The following POC1B variants were observed in gnomAD, a reference collection of about 807,000 sequenced individuals.
POC1B encodes POC1 centriolar protein B.
In POC1B, 44 loss-of-function variants were observed where a neutral mutation model predicts 60.6. The observed-to-expected ratio is 0.73, with a 90% CI of 0.57 to 0.93. The LOEUF (loss-of-function observed/expected upper bound fraction) is 0.93, where lower values mean the gene tolerates loss of function less well. Ranked by LOEUF, POC1B falls within the 40% of genes least tolerant of loss-of-function variation. The pLI is 0.00. For synonymous variants in POC1B, 180 were observed against 198.9 expected (o/e 0.90, Z 0.80); for missense variants, 555 against 572.3 (o/e 0.97, Z 0.31).
chr12:89,458,160 T>A (rs900401484), intron 10 of POC1B, among the ~76,000 whole-genome samples: 1 of 152,214 alleles, frequency 6.6e-6, no homozygotes, highest in African/African-American at 2.4e-5. Context: ...GCAATTTTAG[T>A]CTACTGACTA....
intron 4 of POC1B, among the ~76,000 whole-genome samples, chr12:89,484,522 G>A (rs1482352086): frequency 6.6e-6 from 1 of 152,230 alleles, no homozygotes; most frequent in Non-Finnish European, 1.5e-5. Flanking sequence ...GGACTGGCAT[G>A]TGAGGATAGT....
intron 7 of POC1B, 25 bp from the exon 8 acceptor site, chr12:89,467,710 A>C: frequency 2.6e-6 from 4 of 1,568,020 alleles, no homozygotes; most frequent in Non-Finnish European, 3.5e-6. Flanking sequence ...GAAATAAAGA[A>C]AAAAAGTACT....
intron 2 of POC1B, chr12:89,523,436 G>C: frequency 1.2e-6 from 2 of 1,614,002 alleles, no homozygotes; most frequent in Non-Finnish European, 1.7e-6. Context: ...AAATTGGGGC[G>C]AGCATATGGT....
chr12:89,461,669 T>C (rs1882489392), intron 9 of POC1B: 1 of 152,210 alleles, frequency 6.6e-6, no homozygotes, highest in Non-Finnish European at 1.5e-5. Context: ...AAAATCATTT[T>C]ATAATTATCC....
chr12:89,501,393 TGAA>T, intron 2 of POC1B: 2 of 1,006,232 alleles, frequency 2.0e-6, no homozygotes, highest in Non-Finnish European at 3.1e-6. Context: ...CTAAACCAGC[TGAA>T]GAACAGCTCG....
At chr12:89,439,954 C>T (rs1176875544) in intron 10 of POC1B, among the ~76,000 whole-genome samples, 1 of 152,140 alleles carries the variant, frequency 6.6e-6, no homozygotes, top group Non-Finnish European at 1.5e-5. Flanking sequence ...TCCAGGAAAA[C>T]TCTCTCTGAT....
chr12:89,464,409 TAAC>T, intron 9 of POC1B, among the ~76,000 whole-genome samples: 1 of 151,702 alleles, frequency 6.6e-6, no homozygotes, highest in Non-Finnish European at 1.5e-5. Flanking sequence ...ATTTGGTACT[TAAC>T]AATTATTTAT....
intron 10 of POC1B, among the ~76,000 whole-genome samples, chr12:89,441,686 A>G (rs1881528823): frequency 6.6e-6 from 1 of 152,214 alleles, no homozygotes; most frequent in Non-Finnish European, 1.5e-5. Context: ...GAAAAGCTGA[A>G]AATTCTAAAA....
intron 10 of POC1B, among the ~76,000 whole-genome samples, chr12:89,457,935 A>G (rs1882322891): frequency 6.6e-6 from 1 of 152,166 alleles, no homozygotes; most frequent in African/African-American, 2.4e-5. Context: ...TATGATCTAC[A>G]ATAGATATGT....
At position 89,525,885 on chromosome 12, in the gene POC1B, G is replaced by A. The variant is rs865863474; in HGVS notation, c.11C>T (p.Ala4Val). The change falls in exon 1 of 12, where the codon GCC (alanine) becomes GTC (valine). Residue 4 changes from alanine to valine, a missense_variant. Coordinates refer to ENST00000313546, the MANE Select transcript of POC1B (RefSeq NM_172240.3). The part of the protein sequence containing the change: MAS[A>V]TEDPVLERYF... ...CCACCTCCAACCCGTCCTTACCGTG[G>A]CTGAGGCCATCGGGGGAGTGGTCGG... The A allele has an allele frequency of 2.0e-6, 3 of 1,464,598 alleles. No homozygotes were observed. Among genetic ancestry groups the A allele is most frequent in the African/African-American group, 1.4e-5 (1 of 70,620 alleles). 90.7% of individuals were successfully genotyped at this position (1,464,598 alleles called of 1,614,324 possible).
intron 2 of POC1B, chr12:89,520,023 T>G (rs1005217503): frequency 3.3e-5 from 5 of 152,220 alleles, no homozygotes; most frequent in Non-Finnish European, 7.4e-5. Context: ...GGAATCGGTT[T>G]TTTTAGATGT....
intron 2 of POC1B, chr12:89,523,251 AG>A: frequency 6.2e-7 from 1 of 1,614,062 alleles, no homozygotes; most frequent in Non-Finnish European, 8.5e-7. Context: ...CATGTAAATT[AG>A]GAAAAACGTT....
chr12:89,487,515 C>A (rs988015498), intron 4 of POC1B, among the ~76,000 whole-genome samples: 2 of 152,160 alleles, frequency 1.3e-5, no homozygotes, highest in African/African-American at 2.4e-5. Flanking sequence ...TACTTCTTAT[C>A]CTCAGTCCAG....
the POC1B span, among the ~76,000 whole-genome samples, chr12:89,413,297 C>T: frequency 4.6e-5 from 7 of 152,160 alleles, no homozygotes; most frequent in Admixed American, 3.3e-4. Flanking sequence ...ACTCGAACTC[C>T]TGGGCTCAAG....
chr12:89,421,382 CAAAA>C, intron 11 of POC1B, 125 bp from the exon 12 acceptor site: 1 of 702,612 alleles, frequency 1.4e-6, no homozygotes, highest in Non-Finnish European at 2.3e-6. Flanking sequence ...GAAGTTGGCT[CAAAA>C]ATGAGCCCCA....
intron 2 of POC1B, among the ~76,000 whole-genome samples, chr12:89,513,506 T>C (rs1870288116): frequency 6.6e-6 from 1 of 152,246 alleles, no homozygotes; most frequent in South Asian, 2.1e-4. Context: ...CAGAAACTTC[T>C]AAAGTACAGC....
At chr12:89,405,178 G>A in the POC1B span, among the ~76,000 whole-genome samples, 1 of 152,098 alleles carries the variant, frequency 6.6e-6, no homozygotes, top group Non-Finnish European at 1.5e-5. Context: ...AACTAACATG[G>A]TTAAAAAAAA....
intron 4 of POC1B, among the ~76,000 whole-genome samples, chr12:89,476,759 T>TAGACAGACAGACAGACAGACAGACAGAC (rs1167476204): frequency 1.7e-5 from 1 of 58,580 alleles, no homozygotes; most frequent in Non-Finnish European, 4.0e-5. Context: ...GATAGATAGA[T>TAGACAGACAGACAGACAGACAGACAGAC]AGACAGACAG....
At chr12:89,523,155 G>A (rs1297033300) in intron 2 of POC1B, 1 of 1,613,680 alleles carries the variant, frequency 6.2e-7, no homozygotes, top group Admixed American at 1.7e-5. Context: ...CTGTGGGGTT[G>A]TTGTCAGGAG....
Sources: allele counts gnomAD v4.1 joint callset (sites outside exome capture counted in the v4.1 genomes callset), GRCh38; gene constraint gnomAD v4.1.1; transcripts MANE v1.5; gene names NCBI Gene and HGNC (gene_info 2026-07-23, HGNC 2026-07-21).